STK3: variants seen among roughly 807,000 people sequenced by gnomAD.
STK3 encodes the protein serine/threonine-protein kinase 3.
A neutral mutation model predicts 58.0 loss-of-function variants in STK3; 41 were observed. The observed-to-expected ratio is 0.71, with a 90% CI of 0.55 to 0.92. The LOEUF (loss-of-function observed/expected upper bound fraction) is 0.92. Ranked by LOEUF, STK3 falls within the 40% of genes least tolerant of loss-of-function variation. The pLI, the probability that STK3 is intolerant of heterozygous loss-of-function variation, is 0.00. For synonymous variants in STK3, 170 were observed against 191.0 expected, an observed-to-expected ratio of 0.89 and a Z score of 0.91; for missense variants, 479 against 602.7, an observed-to-expected ratio of 0.79 and a Z score of 2.15.
At chr8:98,545,138 T>G (rs4442112) in intron 9 of STK3, among the ~76,000 whole-genome samples, 54,265 of 152,086 alleles carry the variant, frequency 0.36, 10,570 homozygotes, top group Admixed American at 0.51. Context: ...TCCAGGATAA[T>G]AAATCCTAAA....
intron 3 of STK3, among the ~76,000 whole-genome samples, chr8:98,426,406 TC>T (rs774392237): frequency 2.6e-5 from 4 of 151,908 alleles, no homozygotes; most frequent in Non-Finnish European, 5.9e-5. Flanking sequence ...CGCCCTGCAG[TC>T]CCGCACAGCC....
chr8:98,482,717 G>T (rs1821947026), intron 10 of STK3, among the ~76,000 whole-genome samples: 1 of 152,006 alleles, frequency 6.6e-6, no homozygotes, highest in African/African-American at 2.4e-5. Flanking sequence ...AATTCTAGAA[G>T]ATTTAATGAG....
In STK3 at chr8:98,800,980, G is replaced by A. The variant is rs1833509062; in HGVS notation, c.26+24535C>T. Among the ~76,000 whole-genome samples, 1 of 152,250 alleles carries A rather than the reference G, an allele frequency of 6.6e-6. No homozygotes were observed. Among genetic ancestry groups the A allele is most frequent in the Non-Finnish European group, 1.5e-5 (1 of 68,046 alleles). On this transcript the variant is annotated intron_variant, in intron 1 of 10. Coordinates refer to ENST00000419617, the MANE Select transcript of STK3 (RefSeq NM_006281.4). The surrounding 1 kb of genome is among the most constrained non-coding windows in gnomAD (Gnocchi z 4.8). ...AAGGGCTGAGGAGTGCAGGCGCACA[G>A]TGCGGGACTGGCAGGCAGCTCCACC...
At chr8:98,610,075 C>T (rs1255052210) in intron 6 of STK3, among the ~76,000 whole-genome samples, 1 of 151,302 alleles carries the variant, frequency 6.6e-6, no homozygotes, top group African/African-American at 2.4e-5. Context: ...AGAAAACTTT[C>T]ATAGTAACTT....
intron 3 of STK3, chr8:98,413,789 T>C: frequency 1.6e-6 from 1 of 635,632 alleles, no homozygotes. Context: ...ATCCATCTTC[T>C]CCGAGGGTGG....
rs1442182727 is a variant in STK3 at position 98,598,381 on chromosome 8, A to C, written c.685-2212T>G. On this transcript the variant is annotated intron_variant, in intron 6 of 10. Coordinates refer to ENST00000419617, the MANE Select transcript of STK3 (RefSeq NM_006281.4). ...CTAAAATGTCACATTCTACCCTCAA[A>C]TATGCATTGAACAAGCATGAACACC... 6 of 985,282 alleles carry C rather than the reference A, an allele frequency of 6.1e-6. No homozygotes were observed. The East Asian group carries it at 6.8e-4, about 112-fold the overall frequency. 61.0% of individuals were successfully genotyped at this position (985,282 alleles called of 1,614,324 possible). A position where few individuals can be genotyped will look rare whatever the true frequency, so the allele number is the denominator to read the frequency against.
intron 2 of STK3, 42 bp from the exon 3 acceptor site, chr8:98,767,413 GTAACTA>G: frequency 1.3e-6 from 2 of 1,525,730 alleles, no homozygotes; most frequent in Non-Finnish European, 1.8e-6. Flanking sequence ...ATCAAACATC[GTAACTA>G]TAAGATTAAA....
chr8:98,629,086 T>C (rs1168257472), intron 6 of STK3, among the ~76,000 whole-genome samples: 2 of 152,076 alleles, frequency 1.3e-5, no homozygotes, highest in East Asian at 3.8e-4. Context: ...ACCAATTCTC[T>C]TTTCCCCCAA....
At chr8:98,830,991 A>G (rs1835514019) in intron 3 of STK3, among the ~76,000 whole-genome samples, 2 of 150,646 alleles carry the variant, frequency 1.3e-5, no homozygotes, top group South Asian at 4.2e-4. Context: ...AAAAAAAAAA[A>G]GGAAAGTAAG....
upstream of STK3, among the ~76,000 whole-genome samples, chr8:98,392,914 A>AT (rs1408314800): frequency 6.6e-6 from 1 of 152,102 alleles, no homozygotes; most frequent in Non-Finnish European, 1.5e-5. Flanking sequence ...TGTATCCTGG[A>AT]TCCCCCCTTC....
At chr8:98,412,902 C>A in intron 3 of STK3, 1 of 256,142 alleles carries the variant, frequency 3.9e-6, no homozygotes, top group South Asian at 4.8e-5. Flanking sequence ...AAAGAAGATT[C>A]ACTATCTGAA....
intron 1 of STK3, among the ~76,000 whole-genome samples, chr8:98,885,694 C>A (rs889652818): frequency 2.6e-5 from 4 of 152,206 alleles, no homozygotes; most frequent in Admixed American, 6.5e-5. Context: ...CCCGCCTCGG[C>A]CTCCCAAAGT....
intron 6 of STK3, among the ~76,000 whole-genome samples, chr8:98,692,811 C>T (rs1185643490): frequency 6.6e-6 from 1 of 151,760 alleles, no homozygotes; most frequent in East Asian, 1.9e-4. Flanking sequence ...TTAAATTATA[C>T]ATAATTATTA....
chr8:98,684,354 C>T (rs908453884), intron 6 of STK3, among the ~76,000 whole-genome samples: 81 of 152,196 alleles, frequency 5.3e-4, no homozygotes, highest in African/African-American at 1.4e-3. Context: ...TACTGTGTAA[C>T]GTCCCAATAC....
intron 1 of STK3, among the ~76,000 whole-genome samples, chr8:98,898,244 G>A (rs937863571): frequency 6.6e-6 from 1 of 152,228 alleles, no homozygotes; most frequent in Non-Finnish European, 1.5e-5. Flanking sequence ...GCCATGGAGT[G>A]TGACTACCCT....
chr8:98,559,751 A>G (rs1811868838), intron 8 of STK3, among the ~76,000 whole-genome samples: 1 of 152,122 alleles, frequency 6.6e-6, no homozygotes, highest in African/African-American at 2.4e-5. Context: ...ACTGCTGGAG[A>G]ATACTTCAGC....
chr8:98,412,682 G>A (rs6468639), intron 3 of STK3, among the ~76,000 whole-genome samples: 107,991 of 152,100 alleles, frequency 0.71, 39,238 homozygotes, highest in Admixed American at 0.83. Flanking sequence ...GCTAATGTCC[G>A]ATTTGCAATC....
rs572853842 is a variant in STK3 at position 98,724,642 on chromosome 8, A to T, written c.352-17331T>A. Among the ~76,000 whole-genome samples, 20 of 152,326 alleles carry T rather than the reference A, an allele frequency of 1.3e-4. No homozygotes were observed. In the South Asian group the frequency reaches 4.1e-3, roughly 32 times the overall value. The stretch of plus-strand genomic sequence containing the variant: ...TAAAAGGAGGAAAACAGAAGTGGAG[A>T]ATTTAATAATAAAATAATTCGTAAA... On this transcript the variant is annotated intron_variant, in intron 4 of 10. Coordinates refer to ENST00000419617, the MANE Select transcript of STK3 (RefSeq NM_006281.4).
chr8:98,548,164 G>A lies in STK3; in HGVS notation c.949-3C>T. ...TGGGAATCCAGCTCATCTTCATCCT[G>A]CAAGCAAAATACTGCAATGAGGGAA... On this transcript the variant is annotated splice_polypyrimidine_tract_variant and splice_region_variant and intron_variant, in intron 8 of 10. Coordinates refer to ENST00000419617, the MANE Select transcript of STK3 (RefSeq NM_006281.4). The A allele has an allele frequency of 6.6e-7, 1 of 1,522,046 alleles. No individual in the cohort carries two copies. The highest frequency in any genetic ancestry group is 8.8e-7 in the Non-Finnish European group (1 of 1,135,038). The allele number at this position is 1,522,046 out of a possible 1,614,324, so 94.3% of individuals were successfully genotyped here.
Sources: gnomAD v4.1 joint callset for allele counts (sites outside exome capture counted in the v4.1 genomes callset) on GRCh38, gnomAD v4.1.1 for gene constraint, Gnocchi (gnomAD v3.1) non-coding constraint, MANE v1.5 for transcripts, NCBI Gene and HGNC (gene_info 2026-07-23, HGNC 2026-07-21) for gene names.